The following SLC39A11 variants were observed in gnomAD, a reference collection of about 807,000 sequenced individuals.
SLC39A11 encodes zinc transporter ZIP11.
Under a neutral mutation model 36.1 loss-of-function variants are expected in SLC39A11, and 33 were observed. The observed-to-expected ratio is 0.91, with a 90% CI of 0.69 to 1.22. The LOEUF is 1.22. Ranked by LOEUF, SLC39A11 falls within the 50% of genes most tolerant of loss-of-function variation. The pLI is 0.00. For missense variants in SLC39A11, 432 were observed against 430.3 expected (o/e 1.00, Z -0.03); for synonymous variants, 166 against 170.3 (o/e 0.97, Z 0.20).
At chr17:72,834,727 T>C (rs564702204) in intron 6 of SLC39A11, among the ~76,000 whole-genome samples, 1 of 152,380 alleles carries the variant, frequency 6.6e-6, no homozygotes, top group Non-Finnish European at 1.5e-5. Flanking sequence ...CTGGAAGTTA[T>C]TGGAAACTTT....
At chr17:72,718,086 C>T (rs1276198699) in intron 7 of SLC39A11, among the ~76,000 whole-genome samples, 3 of 152,212 alleles carry the variant, frequency 2.0e-5, no homozygotes, top group African/African-American at 7.2e-5. Flanking sequence ...AAATCTCTAT[C>T]TGTCCCTCAC....
intron 7 of SLC39A11, among the ~76,000 whole-genome samples, chr17:72,655,554 G>T (rs1056669227): frequency 1.3e-5 from 2 of 152,194 alleles, no homozygotes; most frequent in Non-Finnish European, 2.9e-5. Flanking sequence ...GCAGGTGTCA[G>T]AGGAGGTGAG....
At chr17:72,910,578 C>T (rs1266021588) in intron 5 of SLC39A11, among the ~76,000 whole-genome samples, 6 of 134,102 alleles carry the variant, frequency 4.5e-5, no homozygotes, top group African/African-American at 1.4e-4. Context: ...GAGCAGAGAT[C>T]GTGTCACTGC....
chr17:72,863,362 A>G (rs1424364792), intron 5 of SLC39A11, among the ~76,000 whole-genome samples: 1 of 152,102 alleles, frequency 6.6e-6, no homozygotes, highest in African/African-American at 2.4e-5. Flanking sequence ...GTGTCAGCAT[A>G]TGCAACTCAC....
chr17:72,931,571 G>A (rs769907905), intron 5 of SLC39A11, among the ~76,000 whole-genome samples: 1 of 152,232 alleles, frequency 6.6e-6, no homozygotes, highest in East Asian at 1.9e-4. Context: ...CAGATAGACA[G>A]AGGAGGCTGG....
chr17:72,823,609 G>A (rs1210117973), intron 6 of SLC39A11: 1 of 151,416 alleles, frequency 6.6e-6, no homozygotes, highest in Non-Finnish European at 1.5e-5. Context: ...ACCAACACCT[G>A]ATATCATTAC....
At chr17:72,683,621 C>A (rs899791124) in intron 7 of SLC39A11, among the ~76,000 whole-genome samples, 1 of 152,178 alleles carries the variant, frequency 6.6e-6, no homozygotes, top group Non-Finnish European at 1.5e-5. Context: ...AGCCACTGCG[C>A]CTGGCCTGAG....
intron 7 of SLC39A11, among the ~76,000 whole-genome samples, chr17:72,665,389 G>GTTTTTTTTTT (rs780329919): frequency 0.019 from 1,417 of 76,462 alleles, 181 homozygotes; most frequent in Non-Finnish European, 0.023. Flanking sequence ...GTTTTGAGGT[G>GTTTTTTTTTT]TTTTTTTTTT....
chr17:72,700,492 C>T (rs375759604), intron 7 of SLC39A11, among the ~76,000 whole-genome samples: 1 of 152,204 alleles, frequency 6.6e-6, no homozygotes, highest in Non-Finnish European at 1.5e-5. Flanking sequence ...CCATGAAAGG[C>T]GGGGCTGGGG....
chr17:72,667,668 C>G (rs887710432), intron 7 of SLC39A11, among the ~76,000 whole-genome samples: 16 of 152,236 alleles, frequency 1.1e-4, no homozygotes, highest in African/African-American at 3.6e-4. Flanking sequence ...ACCAGAGCCA[C>G]TTCTTCCAGG....
intron 7 of SLC39A11, among the ~76,000 whole-genome samples, chr17:72,731,819 C>G (rs554789967): frequency 2.5e-4 from 38 of 152,008 alleles, no homozygotes; most frequent in Admixed American, 7.9e-4. Context: ...CTCCACCTCC[C>G]AGGTTCAAGA....
intron 4 of SLC39A11, among the ~76,000 whole-genome samples, chr17:72,950,897 A>C (rs2085811372): frequency 6.6e-6 from 1 of 152,090 alleles, no homozygotes; most frequent in African/African-American, 2.4e-5. Context: ...CATGCTGCTG[A>C]TATCTCTAGT....
intron 3 of SLC39A11, among the ~76,000 whole-genome samples, chr17:73,060,210 C>CAATAAAAAAA (rs2059797314): frequency 1.4e-5 from 1 of 70,352 alleles, no homozygotes; most frequent in Non-Finnish European, 2.6e-5. Flanking sequence ...AACTCCATCT[C>CAATAAAAAAA]AAAAAAAAAA....
chr17:72,721,086 C>T (rs1416258342), intron 7 of SLC39A11, among the ~76,000 whole-genome samples: 1 of 86,430 alleles, frequency 1.2e-5, no homozygotes, highest in Non-Finnish European at 2.3e-5. Context: ...CTGTCCCTCG[C>T]CTTTTTTTTT....
chr17:72,820,630 G>T (rs151293940), intron 6 of SLC39A11, among the ~76,000 whole-genome samples: 2 of 151,450 alleles, frequency 1.3e-5, no homozygotes, highest in Admixed American at 1.3e-4. Context: ...AACAGGGTTG[G>T]GGGCACAGTG....
intron 6 of SLC39A11, among the ~76,000 whole-genome samples, chr17:72,746,629 T>A (rs1367534244): frequency 2.0e-5 from 3 of 152,068 alleles, no homozygotes; most frequent in Non-Finnish European, 4.4e-5. Flanking sequence ...TCCCAGCTAC[T>A]CGGGAGGCTG....
At chr17:72,864,874 A>G (rs2080223721) in intron 5 of SLC39A11, among the ~76,000 whole-genome samples, 1 of 152,216 alleles carries the variant, frequency 6.6e-6, no homozygotes, top group Non-Finnish European at 1.5e-5. Flanking sequence ...ATGATGCAGA[A>G]GAAAGGCTGT....
intron 6 of SLC39A11, among the ~76,000 whole-genome samples, chr17:72,812,941 TC>T (rs1342210659): frequency 6.7e-6 from 1 of 150,064 alleles, no homozygotes; most frequent in Non-Finnish European, 1.5e-5. Context: ...AACAAGCTCC[TC>T]CCCGCCCCTT....
intron 7 of SLC39A11, among the ~76,000 whole-genome samples, chr17:72,655,523 C>T (rs1370365305): frequency 6.6e-6 from 1 of 152,174 alleles, no homozygotes. Flanking sequence ...TGTGCGAGGG[C>T]GTTGAGAGCC....
Sources: allele counts gnomAD v4.1 joint callset (sites outside exome capture counted in the v4.1 genomes callset), GRCh38; gene constraint gnomAD v4.1.1; transcripts MANE v1.5; gene names NCBI Gene and HGNC (gene_info 2026-07-23, HGNC 2026-07-21).